The following FAM151B variants were observed in gnomAD, a reference collection of about 807,000 sequenced individuals.
FAM151B encodes protein FAM151B.
FAM151B carries 24 observed loss-of-function variants against 31.2 expected under a neutral mutation model. The observed-to-expected ratio is 0.77, with a 90% CI of 0.56 to 1.08. FAM151B has a LOEUF of 1.08. Among genes scored for constraint, FAM151B ranks in the 50% least tolerant of loss-of-function variants. FAM151B has a pLI of 0.00. For synonymous variants in FAM151B, 105 were observed against 111.4 expected, an observed-to-expected ratio of 0.94 and a Z score of 0.36; for missense variants, 293 against 328.6, an observed-to-expected ratio of 0.89 and a Z score of 0.84.
At position 80,538,509 on chromosome 5, in the gene FAM151B, TTTCTTTCC is replaced by T. The variant is rs1449357523; in HGVS notation, c.672-3160_672-3153del. 2.9e-3 allele frequency among the ~76,000 whole-genome samples: 300 copies of T among 104,952 alleles called. 21 individuals are homozygous for T. Among genetic ancestry groups the T allele is most frequent in the African/African-American group, 0.012 (278 of 23,964 alleles). 68.9% of individuals were successfully genotyped at this position (104,952 alleles called of 152,430 possible). A position where few individuals can be genotyped will look rare whatever the true frequency, so the allele number is the denominator to read the frequency against. On this transcript the variant is annotated intron_variant, in intron 5 of 5. Transcript: ENST00000282226. ...TTCCTTCCTTCCTTCCTTTCTTTTC[TTTCTTTCC>T]TTCCTTCCTTCCTTCCTTCCTTCCT...
At chr5:80,517,304 A>G (rs1156904947) in intron 3 of FAM151B, among the ~76,000 whole-genome samples, 2 of 151,786 alleles carry the variant, frequency 1.3e-5, no homozygotes, top group Admixed American at 6.6e-5. Context: ...AACAGACTAC[A>G]TATAGGGTTG....
intron 5 of FAM151B, among the ~76,000 whole-genome samples, chr5:80,530,746 C>G (rs575209548): frequency 7.2e-5 from 11 of 152,232 alleles, no homozygotes; most frequent in African/African-American, 2.6e-4. Flanking sequence ...AGGACACAAA[C>G]AAATGGAAGA....
At chr5:80,537,419 A>G (rs1178941657) in intron 5 of FAM151B, among the ~76,000 whole-genome samples, 1 of 152,170 alleles carries the variant, frequency 6.6e-6, no homozygotes, top group African/African-American at 2.4e-5. Flanking sequence ...GGGTAAAGTG[A>G]AATGTTTTAC....
At chr5:80,533,572 C>T (rs946166339) in intron 5 of FAM151B, among the ~76,000 whole-genome samples, 8 of 151,128 alleles carry the variant, frequency 5.3e-5, no homozygotes, top group East Asian at 1.9e-4. Context: ...ACCAACAAGG[C>T]GAAACCCTCT....
intron 4 of FAM151B, among the ~76,000 whole-genome samples, chr5:80,521,115 C>CA (rs1744687333): frequency 4.1e-5 from 4 of 97,524 alleles, no homozygotes; most frequent in Non-Finnish European, 8.9e-5. Flanking sequence ...CTGCACCTGG[C>CA]CTTTTTTTTT....
intron 3 of FAM151B, chr5:80,518,876 C>T (rs1458281923): frequency 6.6e-6 from 1 of 152,082 alleles, no homozygotes; most frequent in Admixed American, 6.6e-5. Flanking sequence ...AGTGTTCTCC[C>T]CTCCAGTATC....
intron 5 of FAM151B, among the ~76,000 whole-genome samples, chr5:80,524,838 A>G (rs531071572): frequency 6.6e-6 from 1 of 152,162 alleles, no homozygotes; most frequent in South Asian, 2.1e-4. Context: ...TAATTTTTTT[A>G]TTATCTAATG....
intron 1 of FAM151B, chr5:80,499,012 G>GT: frequency 6.2e-6 from 1 of 162,036 alleles, no homozygotes; most frequent in Non-Finnish European, 1.3e-5. Context: ...GATGGCAGAT[G>GT]GAAAAAAAAA....
At chr5:80,505,992 A>AGG (rs1743943161) in intron 2 of FAM151B, 2 of 681,770 alleles carry the variant, frequency 2.9e-6, no homozygotes, top group South Asian at 4.7e-5. Flanking sequence ...TCCTGACCTC[A>AGG]TGATCCGCCT....
intron 4 of FAM151B, 28 bp downstream of exon 4, chr5:80,519,938 G>A: frequency 1.9e-6 from 3 of 1,590,136 alleles, no homozygotes; most frequent in Non-Finnish European, 2.6e-6. Context: ...GTATTTCTTG[G>A]TCAAATTAAA....
chr5:80,536,845 T>C (rs1745536514), intron 5 of FAM151B, among the ~76,000 whole-genome samples: 1 of 152,044 alleles, frequency 6.6e-6, no homozygotes, highest in African/African-American at 2.4e-5. Context: ...GTTCTAAAAA[T>C]TGGAGCAATT....
intron 1 of FAM151B, chr5:80,494,938 T>C (rs1299796189): frequency 1.3e-5 from 2 of 152,218 alleles, no homozygotes; most frequent in African/African-American, 4.8e-5. Flanking sequence ...GCTGACTTTC[T>C]TGTTAGGGCT....
intron 2 of FAM151B, chr5:80,506,178 A>T (rs1489439768): frequency 1.1e-6 from 1 of 912,210 alleles, no homozygotes; most frequent in Non-Finnish European, 1.3e-6. Flanking sequence ...TTTCCTGATG[A>T]TTCATATTGC....
intron 3 of FAM151B, among the ~76,000 whole-genome samples, chr5:80,514,296 G>A (rs1282164479): frequency 2.6e-5 from 4 of 151,826 alleles, no homozygotes; most frequent in Non-Finnish European, 5.9e-5. Flanking sequence ...CCAAAATGGC[G>A]AAACGCCACC....
At chr5:80,495,153 T>A (rs1743483286) in intron 1 of FAM151B, 1 of 152,152 alleles carries the variant, frequency 6.6e-6, no homozygotes, top group South Asian at 2.1e-4. Context: ...GGAAAAAAAA[T>A]ATTTCTTTCA....
intron 5 of FAM151B, among the ~76,000 whole-genome samples, chr5:80,539,550 G>A (rs991200613): frequency 1.3e-5 from 2 of 152,008 alleles, no homozygotes; most frequent in Admixed American, 6.6e-5. Context: ...GGAGTGCAGT[G>A]GCACTGTCTC....
Position 80,495,679 on chromosome 5 carries a change from A to G in FAM151B, c.26-6113A>G, listed in dbSNP as rs1422447245. On this transcript the variant is annotated intron_variant, in intron 1 of 5. Transcript: ENST00000282226. ...CCCCGTCTCTACTAAAAATGCAAAA[A>G]ATTAGCCGGGCGTGGTGGCGGACGC... 2.6e-5 allele frequency among the ~76,000 whole-genome samples: 4 copies of G among 152,168 alleles called. No individual in the cohort carries two copies. The South Asian group carries it at 6.2e-4, about 24-fold the overall frequency.
At position 80,498,425 on chromosome 5, in the gene FAM151B, C is replaced by T. The variant is rs1743626633; in HGVS notation, c.26-3367C>T. ...TATATGCCCCTCCATTCTCTGATATCTTATCAGCAGTTTCCGATAGCCATT... is the reference window on the plus strand; with the variant it reads ...TATATGCCCCTCCATTCTCTGATATTTTATCAGCAGTTTCCGATAGCCATT... On this transcript the variant is annotated intron_variant, in intron 1 of 5. Coordinates refer to ENST00000282226, the MANE Select transcript of FAM151B (RefSeq NM_205548.3). 7.5e-6 allele frequency: 3 copies of T among 401,460 alleles called. No homozygotes were observed. The East Asian group carries it at 1.6e-4, about 21-fold the overall frequency. The allele number at this position is 401,460 out of a possible 1,614,324, so 24.9% of individuals were successfully genotyped here.
intron 5 of FAM151B, among the ~76,000 whole-genome samples, chr5:80,530,489 A>G (rs537263686): frequency 2.6e-5 from 4 of 152,202 alleles, no homozygotes; most frequent in Admixed American, 6.5e-5. Context: ...AGAAAACCCT[A>G]TTGTCTCAGC....
Sources: allele counts gnomAD v4.1 joint callset (sites outside exome capture counted in the v4.1 genomes callset), GRCh38; gene constraint gnomAD v4.1.1; transcripts MANE v1.5; gene names NCBI Gene and HGNC (gene_info 2026-07-23, HGNC 2026-07-21).